Variants in OTOP3 observed in about 807,000 individuals in gnomAD.
OTOP3 encodes otopetrin 3.
A neutral mutation model predicts 50.8 loss-of-function variants in OTOP3; 41 were observed. The ratio of observed to expected loss-of-function variants is 0.81; its 90% CI spans 0.63 to 1.05. The LOEUF is 1.05. Ranked by LOEUF, OTOP3 falls within the 50% of genes least tolerant of loss-of-function variation. The pLI is 0.00. For missense variants in OTOP3, 788 were observed against 760.8 expected (o/e 1.04, Z -0.42); for synonymous variants, 320 against 324.4 (o/e 0.99, Z 0.14).
At chr17:74,936,808 C>T (rs2039120179) in intron 1 of OTOP3, among the ~76,000 whole-genome samples, 1 of 152,124 alleles carries the variant, frequency 6.6e-6, no homozygotes, top group South Asian at 2.1e-4. Context: ...TCTCCAGGAC[C>T]TCAAAAGAAC....
At position 74,941,475 on chromosome 17, in the gene OTOP3, G is replaced by T; in HGVS notation, c.102G>T (p.Val34=). The T allele has an allele frequency of 1.2e-6, 2 of 1,608,920 alleles. No individual in the cohort carries two copies. The highest frequency in any genetic ancestry group is 1.7e-6 in the Non-Finnish European group (2 of 1,177,194). ...CGGAGAAGGAGAACCGAGTGGATGT[G>T]GGGGCCGAGGAGAGAGCGGCCGCCA... The part of the protein sequence containing the change: ...AAPEKENRVD[V]GAEERAAATR... The change falls in exon 2 of 7, where the codon GTG becomes GTT. Residue 34 remains valine (V), a synonymous_variant. Coordinates refer to ENST00000328801, the MANE Select transcript of OTOP3 (RefSeq NM_001272005.2).
Position 74,941,220 on chromosome 17 carries a change from A to C in OTOP3, c.20-173A>C, listed in dbSNP as rs1318590941. Among the ~76,000 whole-genome samples, 9 of 151,612 alleles carry C rather than the reference A, an allele frequency of 5.9e-5. No individual in the cohort carries two copies. In the East Asian group the frequency reaches 1.7e-3, roughly 29 times the overall value. On this transcript the variant is annotated intron_variant, in intron 1 of 6. Transcript: ENST00000328801. ...CCGTAGGGTCTCCTGGTCTGTTTGA[A>C]CCTCCTCAGGTCCTGTAAGATAGAT...
At chr17:74,937,234 G>T (rs975631802) in intron 1 of OTOP3, among the ~76,000 whole-genome samples, 2 of 152,134 alleles carry the variant, frequency 1.3e-5, no homozygotes, top group Admixed American at 6.5e-5. Context: ...CAAAGTGCTG[G>T]AATTACAGGC....
At position 74,946,802 on chromosome 17, in the gene OTOP3, G is replaced by T; in HGVS notation, c.893G>T (p.Gly298Val). 6.2e-7 allele frequency: 1 copy of T among 1,611,852 alleles called. No individual in the cohort carries two copies. Residue 298 changes from glycine to valine, a missense_variant, in exon 6 of 7, where the codon GGC becomes GTC. By Grantham distance (109) the Gly-to-Val change is moderately radical. Coordinates refer to ENST00000328801, the MANE Select transcript of OTOP3 (RefSeq NM_001272005.2). ...AVLFVMWKNV[G>V]RHVAPHMGAH... ...CTGTTTGTCATGTGGAAGAACGTGG[G>T]CCGCCACGTGGCACCCCACATGGGT... is the stretch of plus-strand genomic sequence containing the variant.
At chr17:74,943,560 G>A in intron 4 of OTOP3, 46 bp from the exon 5 acceptor site, 1 of 1,582,944 alleles carries the variant, frequency 6.3e-7, no homozygotes, top group South Asian at 1.1e-5. Context: ...TTTGGCACCT[G>A]GGGAGCCGGC....
intron 1 of OTOP3, among the ~76,000 whole-genome samples, chr17:74,937,406 G>C (rs1405828879): frequency 1.3e-5 from 2 of 152,204 alleles, no homozygotes; most frequent in African/African-American, 4.8e-5. Flanking sequence ...GATGACAGAG[G>C]TAATAAGTGC....
chr17:74,937,228 G>A (rs968287573), intron 1 of OTOP3, among the ~76,000 whole-genome samples: 14 of 152,146 alleles, frequency 9.2e-5, no homozygotes, highest in Non-Finnish European at 1.6e-4. Flanking sequence ...GCCTCCCAAA[G>A]TGCTGGAATT....
intron 3 of OTOP3, among the ~76,000 whole-genome samples, chr17:74,942,494 G>A (rs1460672313): frequency 1.3e-5 from 2 of 152,048 alleles, no homozygotes; most frequent in East Asian, 3.9e-4. Context: ...AGCCGGGTGT[G>A]GTGGCGCACG....
intron 5 of OTOP3, among the ~76,000 whole-genome samples, chr17:74,944,475 G>C (rs1315307964): frequency 6.6e-6 from 1 of 152,164 alleles, no homozygotes. Context: ...AATAATTCAG[G>C]GCTGGGCACA....
At chr17:74,943,013 G>A (rs183525203) in intron 3 of OTOP3, among the ~76,000 whole-genome samples, 1 of 152,314 alleles carries the variant, frequency 6.6e-6, no homozygotes, top group East Asian at 1.9e-4. Flanking sequence ...ATTGTGTTGG[G>A]TGCTTCGTTC....
chr17:74,943,824 G>A (rs1010548492), intron 5 of OTOP3, 100 bp downstream of exon 5: 1 of 1,034,106 alleles, frequency 9.7e-7, no homozygotes, highest in Non-Finnish European at 1.4e-6. Flanking sequence ...AACAGGTGAG[G>A]CTCAGTAGGT....
At chr17:74,947,566 C>G in intron 6 of OTOP3, 91 bp downstream of exon 6, 1 of 1,211,010 alleles carries the variant, frequency 8.3e-7, no homozygotes, top group Non-Finnish European at 1.1e-6. Flanking sequence ...AAGGACACAT[C>G]TTTTTCCAAC....
chr17:74,938,156 GT>G (rs1394801219), intron 1 of OTOP3, among the ~76,000 whole-genome samples: 1 of 152,276 alleles, frequency 6.6e-6, no homozygotes, highest in East Asian at 1.9e-4. Context: ...AGAGGCTTAA[GT>G]TTTAGTGCTC....
chr17:74,938,735 C>T (rs1258866121), intron 1 of OTOP3, among the ~76,000 whole-genome samples: 1 of 152,122 alleles, frequency 6.6e-6, no homozygotes, highest in Non-Finnish European at 1.5e-5. Context: ...GCCATGCAGG[C>T]TGTGTCAGTA....
intron 6 of OTOP3, among the ~76,000 whole-genome samples, chr17:74,947,812 A>T (rs931123937): frequency 5.9e-5 from 9 of 152,264 alleles, no homozygotes; most frequent in African/African-American, 2.4e-5. Flanking sequence ...GAAGATGTTG[A>T]TAATGGCTGC....
At position 74,935,933 on chromosome 17, in the gene OTOP3, G is replaced by A; in HGVS notation, c.12G>A (p.Pro4=). The change falls in exon 1 of 7, where the codon CCG becomes CCA. Residue 4 remains proline (P), a synonymous_variant. Coordinates refer to ENST00000328801, the MANE Select transcript of OTOP3 (RefSeq NM_001272005.2). ...GTTAGCCCACGGCGATGCCTCTCCCGGCCTCAGGTAAGCCCGGAGCGCCGG... is the reference window on the plus strand; with the variant it reads ...GTTAGCCCACGGCGATGCCTCTCCCAGCCTCAGGTAAGCCCGGAGCGCCGG... MPL[P]ASAPAEATPM... is the part of the protein sequence containing the mutation. The A allele has an allele frequency of 1.3e-6, 2 of 1,544,452 alleles. No individual in the cohort carries two copies. Among genetic ancestry groups the A allele is most frequent in the East Asian group, 2.4e-5 (1 of 40,898 alleles).
chr17:74,936,732 T>C (rs2039119569), intron 1 of OTOP3, among the ~76,000 whole-genome samples: 1 of 152,060 alleles, frequency 6.6e-6, no homozygotes, highest in Non-Finnish European at 1.5e-5. Flanking sequence ...CAGTGTCCCC[T>C]CCAGGCCTCC....
chr17:74,937,696 A>T (rs1351810435), intron 1 of OTOP3, among the ~76,000 whole-genome samples: 1 of 152,250 alleles, frequency 6.6e-6, no homozygotes, highest in Non-Finnish European at 1.5e-5. Flanking sequence ...TGCCAGAGTC[A>T]GTGGGCAATC....
chr17:74,943,661 A>G lies in OTOP3; in HGVS notation c.688A>G (p.Thr230Ala), dbSNP rs2144784705. ...CCTGCTGCTGTGGGTTCTGGCCGTT[A>G]CCAATGACTCCATGCACCGAGAGAT... is the stretch of plus-strand genomic sequence containing the variant. Reference protein sequence around the residue: ...TNLLLWVLAVTNDSMHREIEA... With the variant: ...TNLLLWVLAVANDSMHREIEA... Residue 230 changes from threonine to alanine, a missense_variant, in exon 5 of 7, where the codon ACC becomes GCC. Thr to Ala is a moderately conservative substitution (Grantham distance 58). Transcript: ENST00000328801. 3 of 1,613,258 alleles carry G rather than the reference A, an allele frequency of 1.9e-6. No homozygotes were observed. The East Asian group carries it at 6.7e-5, about 36-fold the overall frequency.
Sources: allele counts gnomAD v4.1 joint callset (sites outside exome capture counted in the v4.1 genomes callset), GRCh38; gene constraint gnomAD v4.1.1; transcripts MANE v1.5; gene names NCBI Gene and HGNC (gene_info 2026-07-23, HGNC 2026-07-21).